REL: variants seen among roughly 807,000 people sequenced by gnomAD.
REL encodes REL proto-oncogene, NF-kB subunit.
In REL, 15 loss-of-function variants were observed where a neutral mutation model predicts 45.9. The ratio of observed to expected loss-of-function variants is 0.33; its 90% CI spans 0.22 to 0.50. The LOEUF is 0.50. Ranked by LOEUF, REL falls within the 20% of genes least tolerant of loss-of-function variation. The pLI, the probability that REL is intolerant of heterozygous loss-of-function variation, is 0.98. For missense variants in REL, 601 were observed against 715.2 expected, an observed-to-expected ratio of 0.84 and a Z score of 1.82; for synonymous variants, 239 against 242.1, an observed-to-expected ratio of 0.99 and a Z score of 0.12.
chr2:60,892,194 T>G (rs563891615), intron 2 of REL, among the ~76,000 whole-genome samples: 1 of 152,284 alleles, frequency 6.6e-6, no homozygotes, highest in East Asian at 1.9e-4. Flanking sequence ...ATTCTGTAGA[T>G]TAAACATGGA....
chr2:60,908,481 G>A (rs1020133805), intron 4 of REL, among the ~76,000 whole-genome samples: 15 of 152,164 alleles, frequency 9.9e-5, no homozygotes, highest in Admixed American at 9.2e-4. Flanking sequence ...TTGTCTAATT[G>A]CCAAAGTCTA....
intron 2 of REL, 24 bp downstream of exon 2, chr2:60,891,849 T>G: frequency 6.3e-7 from 1 of 1,580,932 alleles, no homozygotes; most frequent in Non-Finnish European, 8.6e-7. Flanking sequence ...CTTCTGTGTC[T>G]ATCTCACTAT....
At position 60,891,696 on chromosome 2, in the gene REL, G is replaced by A. The variant is rs144201614; in HGVS notation, c.24G>A (p.Pro8=). Residue 8 remains proline (P), a synonymous_variant, in exon 2 of 10, where the codon CCG becomes CCA. Coordinates refer to ENST00000394479, the MANE Select transcript of REL (RefSeq NM_001291746.2). ...AAAACTTTTCAGGTGCGTATAACCC[G>A]TATATAGAGATAATTGAACAACCCA... is the stretch of plus-strand genomic sequence containing the variant. MASGAYN[P]YIEIIEQPRQ... is the part of the protein sequence containing the mutation. 165 of 1,613,338 alleles carry A rather than the reference G, an allele frequency of 1.0e-4. 1 individual carries two copies. In the African/African-American group the frequency reaches 1.7e-3, roughly 17 times the overall value.
rs186467545 is a variant in REL at position 60,891,951 on chromosome 2, T to G, written c.153+126T>G. 1.2e-3 allele frequency: 1,138 copies of G among 948,834 alleles called. 10 individuals are homozygous for G. The African/African-American group carries it at 0.018, about 15-fold the overall frequency. The allele number at this position is 948,834 out of a possible 1,614,324, so 58.8% of individuals were successfully genotyped here. A position where few individuals can be genotyped will look rare whatever the true frequency, so the allele number is the denominator to read the frequency against. Reference sequence around the variant, plus strand: ...AGGTTTATCTTTTTCTTTTTTCCTTTTTTTTTTTAAACGGATCTGTCAAAA... The same window carrying G: ...AGGTTTATCTTTTTCTTTTTTCCTTGTTTTTTTTAAACGGATCTGTCAAAA... On this transcript the variant is annotated intron_variant, in intron 2 of 9. Coordinates refer to ENST00000394479, the MANE Select transcript of REL (RefSeq NM_001291746.2).
At chr2:60,917,716 A>ATGTG (rs1558817081) in intron 5 of REL, among the ~76,000 whole-genome samples, 1 of 90,986 alleles carries the variant, frequency 1.1e-5, no homozygotes, top group East Asian at 2.6e-4. Context: ...GTGTGTGTGT[A>ATGTG]CGTGTGTGTG....
Position 60,918,247 on chromosome 2 carries a change from G to A in REL, c.592G>A (p.Val198Ile), listed in dbSNP as rs1425575179. 2 of 1,610,026 alleles carry A rather than the reference G, an allele frequency of 1.2e-6. No homozygotes were observed. The highest frequency in any genetic ancestry group is 1.7e-6 in the Non-Finnish European group (2 of 1,177,352). Reference sequence around the variant, plus strand: ...TCGTGTAAACAAGAATTGTGGAAGTGTCAGAGGAGGAGATGAAATATTTCT... The same window carrying A: ...TCGTGTAAACAAGAATTGTGGAAGTATCAGAGGAGGAGATGAAATATTTCT... ...ICRVNKNCGS[V>I]RGGDEIFLLC... Residue 198 changes from valine to isoleucine, a missense_variant, in exon 6 of 10, where the codon GTC becomes ATC. This residue lies in a region of REL where 241 missense variants were observed against 347.0 expected (regional missense o/e 0.69). Coordinates refer to ENST00000394479, the MANE Select transcript of REL (RefSeq NM_001291746.2).
intron 1 of REL, among the ~76,000 whole-genome samples, chr2:60,882,494 G>A (rs1573306559): frequency 6.6e-6 from 1 of 152,234 alleles, no homozygotes; most frequent in East Asian, 1.9e-4. Flanking sequence ...GGCAAACATG[G>A]TGAAACCCCG....
At chr2:60,904,671 T>C (rs1673593710) in intron 4 of REL, among the ~76,000 whole-genome samples, 1 of 151,984 alleles carries the variant, frequency 6.6e-6, no homozygotes, top group Non-Finnish European at 1.5e-5. Flanking sequence ...AGAGGATTGC[T>C]TGAGCCCAGG....
chr2:60,894,347 T>G, intron 2 of REL, 50 bp from the exon 3 acceptor site: 1 of 1,145,232 alleles, frequency 8.7e-7, no homozygotes, highest in Middle Eastern at 2.4e-4. Context: ...GTAGATCAGT[T>G]TATAATGCAG....
chr2:60,909,669 G>T (rs530069692), intron 4 of REL, among the ~76,000 whole-genome samples: 6 of 152,172 alleles, frequency 3.9e-5, no homozygotes, highest in Non-Finnish European at 8.8e-5. Flanking sequence ...TTGGGAGGCC[G>T]AGATGGGCGG....
At position 60,921,896 on chromosome 2, in the gene REL, G is replaced by A; in HGVS notation, c.1125G>A (p.Leu375=). ...CACATCATGCCTCAATGGCACCTCT[G>A]CCTTCTTCAAGCTGGTCATCAGTGG... ...GLSHHASMAP[L]PSSSWSSVAH... Residue 375 remains leucine (L), a synonymous_variant, in exon 10 of 10, where the codon CTG becomes CTA. Transcript: ENST00000394479. 1 of 1,614,040 alleles carries A rather than the reference G, an allele frequency of 6.2e-7. No individual in the cohort carries two copies. The highest frequency in any genetic ancestry group is 1.3e-5 in the African/African-American group (1 of 74,990).
intron 4 of REL, among the ~76,000 whole-genome samples, chr2:60,909,350 T>C (rs1646151602): frequency 6.6e-6 from 1 of 152,230 alleles, no homozygotes; most frequent in South Asian, 2.1e-4. Flanking sequence ...TGTCAACTTT[T>C]ATTATTATAC....
intron 1 of REL, among the ~76,000 whole-genome samples, chr2:60,885,698 G>A (rs1558784160): frequency 6.6e-6 from 1 of 152,140 alleles, no homozygotes; most frequent in Non-Finnish European, 1.5e-5. Context: ...GAGTAGAGGT[G>A]ATATTTGGAA....
rs921997479 is a variant in REL at position 60,924,918 on chromosome 2, T to C, written c.*2383T>C. ...AGCTGTAACATTACACTTTATTTGCTGTTTGTGTTTCGTGACTTTTGGTAA... is the reference window on the plus strand; with the variant it reads ...AGCTGTAACATTACACTTTATTTGCCGTTTGTGTTTCGTGACTTTTGGTAA... On this transcript the variant is annotated 3_prime_UTR_variant, in exon 10 of 10. Transcript: ENST00000394479. 4.7e-6 allele frequency: 1 copy of C among 213,172 alleles called. No homozygotes were observed. The highest frequency in any genetic ancestry group is 1.9e-4 in the South Asian group (1 of 5,366). 13.2% of individuals were successfully genotyped at this position (213,172 alleles called of 1,614,324 possible).
In REL at chr2:60,892,174, G is replaced by A. The variant is rs377438175; in HGVS notation, c.153+349G>A. ...AGGAAAACCCATTCTCTGCAGAGGT[G>A]AGTGATATTATTCTGTAGATTAAAC... is the stretch of plus-strand genomic sequence containing the variant. On this transcript the variant is annotated intron_variant, in intron 2 of 9. Coordinates refer to ENST00000394479, the MANE Select transcript of REL (RefSeq NM_001291746.2). Among the ~76,000 whole-genome samples the A allele has an allele frequency of 1.2e-4, 18 of 152,224 alleles. No individual in the cohort carries two copies. The South Asian group carries it at 2.7e-3, about 23-fold the overall frequency.
At chr2:60,919,965 T>G in intron 7 of REL, 76 bp from the exon 8 acceptor site, 1 of 919,398 alleles carries the variant, frequency 1.1e-6, no homozygotes, top group South Asian at 1.5e-5. Context: ...TATATGTGAA[T>G]AAAATATTTG....
rs376759210 is a variant in REL at position 60,911,722 on chromosome 2, C to T, written c.395-5155C>T. Among the ~76,000 whole-genome samples, 59 of 151,944 alleles carry T rather than the reference C, an allele frequency of 3.9e-4. 1 individual carries two copies. The South Asian group carries it at 0.011, about 27-fold the overall frequency. On this transcript the variant is annotated intron_variant, in intron 4 of 9. Transcript: ENST00000394479. ...TTGTAAAAATGTCATTTTCCCAGGCCGGGCGTGGTAGCTCACACCTGTAAT... is the reference window on the plus strand; with the variant it reads ...TTGTAAAAATGTCATTTTCCCAGGCTGGGCGTGGTAGCTCACACCTGTAAT...
intron 7 of REL, among the ~76,000 whole-genome samples, chr2:60,919,240 T>G (rs1427193146): frequency 6.6e-6 from 1 of 152,096 alleles, no homozygotes; most frequent in African/African-American, 2.4e-5. Context: ...ACAGCTTGTT[T>G]TGGGTTTTTT....
intron 2 of REL, among the ~76,000 whole-genome samples, chr2:60,892,102 T>A (rs1010294458): frequency 1.3e-5 from 2 of 152,188 alleles, no homozygotes; most frequent in African/African-American, 4.8e-5. Flanking sequence ...GAGAGTACAC[T>A]GGCAACTTTT....
Sources: allele counts gnomAD v4.1 joint callset (sites outside exome capture counted in the v4.1 genomes callset), GRCh38; gene constraint gnomAD v4.1.1; regional missense constraint gnomAD v4.1.1; transcripts MANE v1.5; gene names NCBI Gene and HGNC (gene_info 2026-07-23, HGNC 2026-07-21).